Variants in MGAT4C observed in about 807,000 individuals in gnomAD.
MGAT4C encodes the protein alpha-1,3-mannosyl-glycoprotein 4-beta-N-acetylglucosaminyltransferase C.
Under a neutral mutation model 40.1 loss-of-function variants are expected in MGAT4C, and 19 were observed. The ratio of observed to expected loss-of-function variants is 0.47; its 90% CI spans 0.33 to 0.70. The LOEUF (loss-of-function observed/expected upper bound fraction) is 0.70. Ranked by LOEUF, MGAT4C falls within the 30% of genes least tolerant of loss-of-function variation. The pLI, the probability that MGAT4C is intolerant of heterozygous loss-of-function variation, is 0.02. For missense variants in MGAT4C, 491 were observed against 563.2 expected (o/e 0.87, Z 1.30); for synonymous variants, 181 against 187.1 (o/e 0.97, Z 0.27).
intron 2 of MGAT4C, among the ~76,000 whole-genome samples, chr12:86,044,962 G>A (rs1349146385): frequency 6.6e-6 from 1 of 152,088 alleles, no homozygotes; most frequent in Non-Finnish European, 1.5e-5. Context: ...AGGGCAGGTT[G>A]CTCCTCACCT....
intron 2 of MGAT4C, among the ~76,000 whole-genome samples, chr12:86,535,901 T>A (rs988412496): frequency 6.6e-6 from 1 of 152,136 alleles, no homozygotes; most frequent in Non-Finnish European, 1.5e-5. Flanking sequence ...AAAACATACA[T>A]AAAATTATTG....
chr12:86,490,273 A>G (rs1958107165), intron 2 of MGAT4C, among the ~76,000 whole-genome samples: 1 of 152,172 alleles, frequency 6.6e-6, no homozygotes, highest in Non-Finnish European at 1.5e-5. Context: ...AATATTCAAC[A>G]TTCTTAAAGA....
intron 3 of MGAT4C, among the ~76,000 whole-genome samples, chr12:86,371,985 T>C (rs1955723777): frequency 6.6e-6 from 1 of 151,876 alleles, no homozygotes; most frequent in Admixed American, 6.6e-5. Flanking sequence ...CTTTGGGTAC[T>C]TCAAAGTTAA....
At chr12:86,553,522 A>G (rs1959463775) in intron 2 of MGAT4C, among the ~76,000 whole-genome samples, 1 of 152,098 alleles carries the variant, frequency 6.6e-6, no homozygotes, top group Non-Finnish European at 1.5e-5. Context: ...CTATTATGTT[A>G]TCACTCCCAT....
intron 1 of MGAT4C, among the ~76,000 whole-genome samples, chr12:86,220,430 G>C (rs531683725): frequency 7.4e-4 from 112 of 152,216 alleles, no homozygotes; most frequent in Non-Finnish European, 9.6e-4. Flanking sequence ...TATAATGAGA[G>C]TTTTACAGTT....
At chr12:86,197,657 C>G (rs1949867750) in intron 1 of MGAT4C, among the ~76,000 whole-genome samples, 1 of 152,168 alleles carries the variant, frequency 6.6e-6, no homozygotes, top group East Asian at 1.9e-4. Flanking sequence ...CCACCTTACT[C>G]TATGAAACGT....
chr12:86,759,380 T>C lies in MGAT4C; in HGVS notation c.-261-32139A>G, dbSNP rs1951362703. 4.6e-5 allele frequency among the ~76,000 whole-genome samples: 7 copies of C among 152,120 alleles called. No homozygotes were observed. In the South Asian group the frequency reaches 1.4e-3, roughly 31 times the overall value. ...AGCCATCTCTTCAACACACTGATTT[T>C]ATTTCCTTTGGATATATATCAAATT... On this transcript the variant is annotated intron_variant, in intron 1 of 7. Coordinates refer to the MGAT4C transcript ENST00000548651.
intron 1 of MGAT4C, among the ~76,000 whole-genome samples, chr12:86,194,493 C>T (rs113280872): frequency 0.024 from 3,639 of 149,620 alleles, 69 homozygotes; most frequent in Non-Finnish European, 0.034. Context: ...TCACTCTTGT[C>T]GCCCAGGCTG....
rs1287525920 is a variant in MGAT4C at position 86,751,134 on chromosome 12, T to G, written c.-261-23893A>C. 2.6e-5 allele frequency among the ~76,000 whole-genome samples: 4 copies of G among 151,982 alleles called. No individual in the cohort carries two copies. The East Asian group carries it at 7.7e-4, about 29-fold the overall frequency. ...TGGAGGGAATGGGTTCATCACTGGT[T>G]TGAAAAATAGTTCCAACAAAATCCA... On this transcript the variant is annotated intron_variant, in intron 1 of 7. Coordinates refer to the MGAT4C transcript ENST00000548651.
At chr12:86,740,236 G>T (rs892902624) in intron 1 of MGAT4C, among the ~76,000 whole-genome samples, 1 of 151,060 alleles carries the variant, frequency 6.6e-6, no homozygotes, top group Non-Finnish European at 1.5e-5. Flanking sequence ...TGGAGTTTTA[G>T]AATCTTTTTT....
intron 3 of MGAT4C, among the ~76,000 whole-genome samples, chr12:86,398,732 A>G (rs1039978446): frequency 6.6e-6 from 1 of 151,734 alleles, no homozygotes; most frequent in Admixed American, 6.6e-5. Context: ...CTTAGAAACT[A>G]AAAATATATT....
At chr12:86,286,630 G>A (rs1374340974) in intron 4 of MGAT4C, among the ~76,000 whole-genome samples, 5 of 152,012 alleles carry the variant, frequency 3.3e-5, no homozygotes, top group Non-Finnish European at 5.9e-5. Flanking sequence ...GTGCAGGTGT[G>A]CTATATTGGT....
rs59967587 is a variant in MGAT4C at position 86,160,093 on chromosome 12, T to C, written c.-57+96146A>G. Among the ~76,000 whole-genome samples, 3,461 of 152,164 alleles carry C rather than the reference T, an allele frequency of 0.023. 286 individuals carry two copies. In the East Asian group the frequency reaches 0.29, roughly 13 times the overall value. ...TTTCTTCTGCTAGCTTTGGAGTTTA[T>C]TTGCTCTTTTTTTCTAGTTCCTTTA... On this transcript the variant is annotated intron_variant, in intron 1 of 4. Transcript: ENST00000611864.
chr12:86,116,226 C>A (rs1033829212), intron 1 of MGAT4C, among the ~76,000 whole-genome samples: 7 of 151,826 alleles, frequency 4.6e-5, no homozygotes, highest in Admixed American at 4.0e-4. Context: ...CGATGGGAAG[C>A]AAGCATAGGG....
chr12:86,691,258 G>C (rs975655302), intron 2 of MGAT4C, among the ~76,000 whole-genome samples: 2 of 152,170 alleles, frequency 1.3e-5, no homozygotes, highest in African/African-American at 4.8e-5. Context: ...CCAGCAGTGA[G>C]AATTTGCAGA....
chr12:86,297,478 T>A (rs1290231044), intron 4 of MGAT4C, among the ~76,000 whole-genome samples: 1 of 152,168 alleles, frequency 6.6e-6, no homozygotes, highest in East Asian at 1.9e-4. Context: ...TACATTTGAG[T>A]CTGTGCACAT....
At chr12:86,448,814 T>C (rs1025032302) in intron 2 of MGAT4C, among the ~76,000 whole-genome samples, 1 of 152,170 alleles carries the variant, frequency 6.6e-6, no homozygotes, top group African/African-American at 2.4e-5. Flanking sequence ...GAAATCTGAG[T>C]CTAATATAAT....
At chr12:86,042,275 G>A (rs1297125306) in intron 2 of MGAT4C, among the ~76,000 whole-genome samples, 2 of 152,150 alleles carry the variant, frequency 1.3e-5, no homozygotes, top group East Asian at 3.9e-4. Flanking sequence ...CTGCCACTTT[G>A]TGCCTTTTAA....
intron 2 of MGAT4C, among the ~76,000 whole-genome samples, chr12:86,527,126 G>C (rs1212678172): frequency 6.6e-6 from 1 of 152,036 alleles, no homozygotes; most frequent in Non-Finnish European, 1.5e-5. Flanking sequence ...GTTTCACCTG[G>C]CTGGATCTAG....
Sources: gnomAD v4.1 joint callset for allele counts (sites outside exome capture counted in the v4.1 genomes callset) on GRCh38, gnomAD v4.1.1 for gene constraint, MANE v1.5 for transcripts, NCBI Gene and HGNC (gene_info 2026-07-23, HGNC 2026-07-21) for gene names.